Variants in HOOK1 observed in about 807,000 individuals in gnomAD.
HOOK1 encodes the protein hook microtubule tethering protein 1.
A neutral mutation model predicts 112.8 loss-of-function variants in HOOK1; 60 were observed. The observed-to-expected ratio is 0.53, with a 90% CI of 0.43 to 0.66. The LOEUF is 0.66. Among genes scored for constraint, HOOK1 ranks in the 30% least tolerant of loss-of-function variants. HOOK1 has a pLI of 0.00. For synonymous variants in HOOK1, 294 were observed against 283.8 expected, an observed-to-expected ratio of 1.04 and a Z score of -0.36; for missense variants, 770 against 856.0, an observed-to-expected ratio of 0.90 and a Z score of 1.25.
intron 12 of HOOK1, among the ~76,000 whole-genome samples, chr1:59,853,561 T>C (rs1369847720): frequency 2.6e-5 from 4 of 152,130 alleles, no homozygotes; most frequent in Non-Finnish European, 5.9e-5. Context: ...TGCTTTTCAA[T>C]TGGAGTTTGG....
In HOOK1 at chr1:59,843,607, T is replaced by C; in HGVS notation, c.788+9T>C. 1 of 1,591,072 alleles carries C rather than the reference T, an allele frequency of 6.3e-7. No homozygotes were observed. The highest frequency in any genetic ancestry group is 1.7e-4 in the Middle Eastern group (1 of 5,822). On this transcript the variant is annotated intron_variant, in intron 9 of 21. Transcript: ENST00000371208. ...CAGGAAGAAAACTTCAGGTAGCATTTTTAATGGAAATCATTTTATGGAGTT... is the reference window on the plus strand; with the variant it reads ...CAGGAAGAAAACTTCAGGTAGCATTCTTAATGGAAATCATTTTATGGAGTT...
intron 2 of HOOK1, among the ~76,000 whole-genome samples, chr1:59,826,126 G>A (rs1466954791): frequency 6.6e-6 from 1 of 152,170 alleles, no homozygotes; most frequent in Non-Finnish European, 1.5e-5. Flanking sequence ...AACTGTGGAA[G>A]ATAAATACAC....
At chr1:59,872,495 A>G (rs1314219292) in intron 21 of HOOK1, among the ~76,000 whole-genome samples, 1 of 149,756 alleles carries the variant, frequency 6.7e-6, no homozygotes, top group Non-Finnish European at 1.5e-5. Flanking sequence ...CATAGGTGGT[A>G]CGGTGATGGC....
intron 6 of HOOK1, among the ~76,000 whole-genome samples, chr1:59,836,337 G>A (rs959142790): frequency 1.3e-5 from 2 of 152,128 alleles, no homozygotes; most frequent in Non-Finnish European, 2.9e-5. Context: ...TGACTTAGAG[G>A]GAGACGTCAT....
intron 20 of HOOK1, among the ~76,000 whole-genome samples, chr1:59,869,301 C>T (rs1644017214): frequency 6.6e-6 from 1 of 151,982 alleles, no homozygotes; most frequent in Admixed American, 6.6e-5. Context: ...AAGCAATTCT[C>T]TTGCCTCAGC....
Position 59,865,156 on chromosome 1 carries a change from C to A in HOOK1, c.1662-7C>A. 1.3e-6 allele frequency: 2 copies of A among 1,572,650 alleles called. No individual in the cohort carries two copies. The highest frequency in any genetic ancestry group is 1.8e-6 in the Non-Finnish European group (2 of 1,142,678). On this transcript the variant is annotated splice_region_variant and splice_polypyrimidine_tract_variant and intron_variant, in intron 17 of 21. Coordinates refer to ENST00000371208, the MANE Select transcript of HOOK1 (RefSeq NM_015888.6). ...AGACCAGTCTCCATGCTTTTTCTAC[C>A]ACTTAGGGAAAAACTCACAGAGGTC...
At chr1:59,843,240 T>C (rs1485067397) in intron 8 of HOOK1, among the ~76,000 whole-genome samples, 192 bp from the exon 9 acceptor site, 1 of 150,406 alleles carries the variant, frequency 6.6e-6, no homozygotes, top group African/African-American at 2.5e-5. Flanking sequence ...ATTTGATTTC[T>C]TTTCTTTGAC....
At chr1:59,832,275 G>T (rs2098394561) in intron 4 of HOOK1, 62 bp downstream of exon 4, 1 of 953,440 alleles carries the variant, frequency 1.0e-6, no homozygotes, top group Non-Finnish European at 1.6e-6. Context: ...CTTTAAGACT[G>T]AAAAATCACT....
rs1301707204 is a variant in HOOK1 at position 59,828,782 on chromosome 1, A to T, written c.152A>T (p.Asp51Val). ...VAMAQVLHQI[D>V]AAWFNESWLS... Reference sequence around the variant, plus strand: ...TATTTTTTTTGTTGTTGTTTCAGTGATGCAGCTTGGTTTAACGAATCTTGG... The same window carrying T: ...TATTTTTTTTGTTGTTGTTTCAGTGTTGCAGCTTGGTTTAACGAATCTTGG... The change falls in exon 3 of 22, where the codon GAT becomes GTT. Residue 51 changes from aspartate (D) to valine (V), a missense_variant and splice_region_variant. By Grantham distance (152) the Asp-to-Val change is radical. Coordinates refer to ENST00000371208, the MANE Select transcript of HOOK1 (RefSeq NM_015888.6). 2 of 1,612,434 alleles carry T rather than the reference A, an allele frequency of 1.2e-6. No individual in the cohort carries two copies. The highest frequency in any genetic ancestry group is 1.7e-6 in the Non-Finnish European group (2 of 1,179,328).
At chr1:59,869,856 C>T (rs780622212) in intron 20 of HOOK1, among the ~76,000 whole-genome samples, 4 of 152,160 alleles carry the variant, frequency 2.6e-5, no homozygotes, top group Non-Finnish European at 5.9e-5. Flanking sequence ...AGGTTTAATA[C>T]TGTCTCACTC....
chr1:59,845,556 T>A (rs189569684), intron 9 of HOOK1, among the ~76,000 whole-genome samples: 129 of 151,930 alleles, frequency 8.5e-4, no homozygotes, highest in Non-Finnish European at 1.5e-3. Context: ...GTTTCCACCC[T>A]GCTAAAAGTT....
chr1:59,864,120 A>G (rs993701533), intron 16 of HOOK1, among the ~76,000 whole-genome samples: 3 of 151,912 alleles, frequency 2.0e-5, no homozygotes, highest in Non-Finnish European at 4.4e-5. Context: ...TATGTTTAAA[A>G]TTTTGCTTTT....
chr1:59,814,949 G>T lies in HOOK1; in HGVS notation c.-169G>T. On this transcript the variant is annotated 5_prime_UTR_variant, in exon 1 of 22. Transcript: ENST00000371208. ...CGAGGCGGGGGCGGGTGAGGAGGGG[G>T]TGACGCCGGACGCGTCGACAGCGCG... 1.6e-6 allele frequency: 1 copy of T among 635,056 alleles called. No homozygotes were observed. The highest frequency in any genetic ancestry group is 2.7e-6 in the Non-Finnish European group (1 of 372,892). 39.3% of individuals were successfully genotyped at this position (635,056 alleles called of 1,614,324 possible).
In HOOK1 at chr1:59,815,830, G is replaced by T. The variant is rs2098380977; in HGVS notation, c.63+650G>T. On this transcript the variant is annotated intron_variant, in intron 1 of 21. Coordinates refer to ENST00000371208, the MANE Select transcript of HOOK1 (RefSeq NM_015888.6). The stretch of plus-strand genomic sequence containing the variant: ...CGCTGGCCCTCTCCTCCTCTAAATG[G>T]ACAGCATTTTCTTTAAAGAAAATGA... 3.9e-5 allele frequency among the ~76,000 whole-genome samples: 6 copies of T among 152,094 alleles called. No individual in the cohort carries two copies. In the South Asian group the frequency reaches 1.2e-3, roughly 32 times the overall value.
chr1:59,853,952 C>A (rs1448325919), intron 12 of HOOK1, among the ~76,000 whole-genome samples: 1 of 115,514 alleles, frequency 8.7e-6, no homozygotes, highest in Non-Finnish European at 1.7e-5. Context: ...ATACTATTGT[C>A]TTTTAAATCA....
chr1:59,867,112 A>AT (rs558570481), intron 19 of HOOK1, among the ~76,000 whole-genome samples: 20 of 152,124 alleles, frequency 1.3e-4, no homozygotes, highest in South Asian at 1.2e-3. Flanking sequence ...CATAAATATG[A>AT]TTTTTTTTCC....
intron 6 of HOOK1, among the ~76,000 whole-genome samples, chr1:59,835,935 T>C (rs571793306): frequency 2.0e-5 from 3 of 152,022 alleles, no homozygotes; most frequent in Admixed American, 1.3e-4. Flanking sequence ...CATGGACTGG[T>C]GCCAGTCCAT....
At chr1:59,836,963 G>A (rs778436665) in intron 7 of HOOK1, 28 bp downstream of exon 7, 1 of 1,454,720 alleles carries the variant, frequency 6.9e-7, no homozygotes, top group Non-Finnish European at 9.6e-7. Flanking sequence ...GAAGAAAAAT[G>A]TTGAAAGCAA....
At chr1:59,835,248 T>A in intron 5 of HOOK1, 97 bp from the exon 6 acceptor site, 2 of 726,018 alleles carry the variant, frequency 2.8e-6, no homozygotes, top group Non-Finnish European at 5.0e-6. Flanking sequence ...AAGGATTATC[T>A]GTGGGTAGAT....
Sources: gnomAD v4.1 joint callset for allele counts (sites outside exome capture counted in the v4.1 genomes callset) on GRCh38, gnomAD v4.1.1 for gene constraint, MANE v1.5 for transcripts, NCBI Gene and HGNC (gene_info 2026-07-23, HGNC 2026-07-21) for gene names.